UGT2A1: variants seen among roughly 807,000 people sequenced by gnomAD.
The protein encoded by UGT2A1 is UDP-glucuronosyltransferase 2A1.
Under a neutral mutation model 45.4 loss-of-function variants are expected in UGT2A1, and 61 were observed. The observed-to-expected ratio is 1.34, with a 90% CI of 1.09 to 1.66. UGT2A1 has a LOEUF of 1.66. UGT2A1 is among the 40% of genes most tolerant of loss of function. UGT2A1 has a pLI of 0.00. For missense variants in UGT2A1, 649 were observed against 574.3 expected, an observed-to-expected ratio of 1.13 and a Z score of -1.33; for synonymous variants, 229 against 196.2, an observed-to-expected ratio of 1.17 and a Z score of -1.40.
chr4:69,609,153 A>AG lies in UGT2A1; in HGVS notation c.848-9760dup, dbSNP rs1284111668. On this transcript the variant is annotated intron_variant, in intron 3 of 6. Coordinates refer to ENST00000286604, the MANE Select transcript of UGT2A1 (RefSeq NM_001252275.3). ...GGCTCAGGCTCATCTAGAATATATA[A>AG]GATTTTTTTTTTTTTTTGACACAGC... is the stretch of plus-strand genomic sequence containing the variant. Among the ~76,000 whole-genome samples, 3 of 71,688 alleles carry AG rather than the reference A, an allele frequency of 4.2e-5. No homozygotes were observed. The East Asian group carries it at 1.1e-3, about 25-fold the overall frequency. The allele number at this position is 71,688 out of a possible 152,430, so 47.0% of individuals were successfully genotyped here. A position where few individuals can be genotyped will look rare whatever the true frequency, so the allele number is the denominator to read the frequency against.
chr4:69,601,380 TC>T (rs1365087175), intron 3 of UGT2A1, among the ~76,000 whole-genome samples: 1 of 151,944 alleles, frequency 6.6e-6, no homozygotes, highest in Non-Finnish European at 1.5e-5. Flanking sequence ...TCCATGCCCT[TC>T]CCCGCCCCCC....
intron 3 of UGT2A1, among the ~76,000 whole-genome samples, chr4:69,613,103 T>A (rs1720166927): frequency 6.6e-6 from 1 of 151,866 alleles, no homozygotes; most frequent in Non-Finnish European, 1.5e-5. Context: ...AAAGAAGACA[T>A]ACAATCAACC....
intron 3 of UGT2A1, among the ~76,000 whole-genome samples, chr4:69,614,295 C>T (rs993872211): frequency 6.6e-5 from 10 of 151,748 alleles, no homozygotes; most frequent in African/African-American, 2.4e-4. Context: ...ATGAAAACTA[C>T]AAAATATGGA....
chr4:69,633,775 G>C (rs1207869607), intron 3 of UGT2A1, among the ~76,000 whole-genome samples: 2 of 152,114 alleles, frequency 1.3e-5, no homozygotes, highest in African/African-American at 4.8e-5. Flanking sequence ...AGCCAAGAAA[G>C]TGTTTACCAT....
chr4:69,648,242 T>A (rs1423940943), intron 1 of UGT2A1, among the ~76,000 whole-genome samples: 2 of 149,634 alleles, frequency 1.3e-5, no homozygotes, highest in African/African-American at 4.9e-5. Flanking sequence ...ATAAATAATA[T>A]GTATAACACA....
At chr4:69,609,816 C>T (rs1424867690) in intron 3 of UGT2A1, among the ~76,000 whole-genome samples, 5 of 152,094 alleles carry the variant, frequency 3.3e-5, no homozygotes, top group African/African-American at 1.2e-4. Context: ...AAATTACAGT[C>T]AATTGTCAAT....
intron 3 of UGT2A1, among the ~76,000 whole-genome samples, chr4:69,624,850 T>A (rs939961206): frequency 6.6e-6 from 1 of 151,380 alleles, no homozygotes; most frequent in Non-Finnish European, 1.5e-5. Context: ...TAACATTTTT[T>A]AAGTCTTTTT....
chr4:69,635,849 A>AAAAAAAAAAAAAAAAAC (rs772370302), intron 2 of UGT2A1, 27 bp from the exon 3 acceptor site: 1 of 118,514 alleles, frequency 8.4e-6, no homozygotes. Context: ...AAAAAAAAAA[A>AAAAAAAAAAAAAAAAAC]AGAGAGAGAG....
intron 3 of UGT2A1, among the ~76,000 whole-genome samples, chr4:69,624,015 A>G (rs1169877121): frequency 1.3e-5 from 2 of 151,646 alleles, no homozygotes; most frequent in African/African-American, 4.8e-5. Flanking sequence ...TCCATGAAAA[A>G]TATGAACTCT....
At chr4:69,652,234 T>G (rs7668703) in intron 1 of UGT2A1, among the ~76,000 whole-genome samples, 2 of 150,648 alleles carry the variant, frequency 1.3e-5, no homozygotes, top group Non-Finnish European at 2.9e-5. Flanking sequence ...ATTAACACAA[T>G]TGGTTATTGC....
chr4:69,617,073 G>T (rs1720447757), intron 3 of UGT2A1, among the ~76,000 whole-genome samples: 3 of 151,800 alleles, frequency 2.0e-5, no homozygotes, highest in Admixed American at 1.3e-4. Flanking sequence ...CAACTTCTCT[G>T]ATCTTGATTT....
At chr4:69,651,976 G>A (rs940550693) in intron 1 of UGT2A1, among the ~76,000 whole-genome samples, 3 of 152,144 alleles carry the variant, frequency 2.0e-5, no homozygotes, top group Admixed American at 6.5e-5. Context: ...GGGCACTTCA[G>A]GTGCCCACTT....
At chr4:69,635,849 A>AGAG (rs1553907476) in intron 2 of UGT2A1, 27 bp from the exon 3 acceptor site, 1 of 118,514 alleles carries the variant, frequency 8.4e-6, no homozygotes, top group East Asian at 2.4e-4. Context: ...AAAAAAAAAA[A>AGAG]AGAGAGAGAG....
intron 3 of UGT2A1, among the ~76,000 whole-genome samples, chr4:69,607,923 G>A (rs1340174358): frequency 6.6e-6 from 1 of 152,158 alleles, no homozygotes; most frequent in Non-Finnish European, 1.5e-5. Context: ...GGAAACAACA[G>A]GTGCTGGAGA....
chr4:69,631,847 A>C (rs1462094563), intron 3 of UGT2A1, among the ~76,000 whole-genome samples: 2 of 152,054 alleles, frequency 1.3e-5, no homozygotes, highest in African/African-American at 4.8e-5. Context: ...GATTGGTTGA[A>C]TTCAATTTCT....
At chr4:69,597,527 G>C (rs774969710) in intron 4 of UGT2A1, among the ~76,000 whole-genome samples, 2 of 151,994 alleles carry the variant, frequency 1.3e-5, no homozygotes, top group South Asian at 4.2e-4. Flanking sequence ...ATATTTGTTG[G>C]GATCACACTG....
intron 3 of UGT2A1, among the ~76,000 whole-genome samples, chr4:69,618,373 G>T (rs867302876): frequency 6.6e-6 from 1 of 151,758 alleles, no homozygotes; most frequent in African/African-American, 2.4e-5. Context: ...CTAATTGGGA[G>T]ATTCCACTAC....
At chr4:69,645,846 C>T (rs1255413702) in intron 2 of UGT2A1, among the ~76,000 whole-genome samples, 1 of 151,726 alleles carries the variant, frequency 6.6e-6, no homozygotes, top group African/African-American at 2.4e-5. Flanking sequence ...ACACTTGAAC[C>T]TTCAGAAATA....
At chr4:69,638,007 G>GGAAGGAAGGAAGGAAA in intron 2 of UGT2A1, among the ~76,000 whole-genome samples, 1 of 149,542 alleles carries the variant, frequency 6.7e-6, no homozygotes, top group Non-Finnish European at 1.5e-5. Context: ...CAGGAAGGAA[G>GGAAGGAAGGAAGGAAA]GAAGGAAGGA....
Sources: allele counts gnomAD v4.1 joint callset (sites outside exome capture counted in the v4.1 genomes callset), GRCh38; gene constraint gnomAD v4.1.1; transcripts MANE v1.5; gene names NCBI Gene and HGNC (gene_info 2026-07-23, HGNC 2026-07-21).